The following TFAP2A variants were observed in gnomAD, a reference collection of about 807,000 sequenced individuals.
The protein encoded by TFAP2A is transcription factor AP-2-alpha.
Under a neutral mutation model 41.5 loss-of-function variants are expected in TFAP2A, and 7 were observed. The ratio of observed to expected loss-of-function variants is 0.17; its 90% confidence interval spans 0.10 to 0.32. TFAP2A has a LOEUF of 0.32. Among genes scored for constraint, TFAP2A ranks in the 10% least tolerant of loss-of-function variants. The pLI is 1.00. For synonymous variants in TFAP2A, 247 were observed against 242.8 expected (o/e 1.02, Z -0.16); for missense variants, 416 against 563.3 (o/e 0.74, Z 2.65).
At chr6:10,404,413 G>A (rs1213265220) in intron 4 of TFAP2A, 95 bp downstream of exon 4, 3 of 874,666 alleles carry the variant, frequency 3.4e-6, no homozygotes, top group Non-Finnish European at 4.6e-6. Context: ...GGGCCGCGGC[G>A]CGAGGCCTGT....
intron 1 of TFAP2A, chr6:10,412,165 T>G (rs1757999547): frequency 2.0e-6 from 2 of 988,098 alleles, no homozygotes; most frequent in African/African-American, 3.5e-5. Context: ...GTGTAGCAAA[T>G]CGGAGTGGGG....
chr6:10,406,722 TCTCTGCAAGTTCTTTTAAATAGCA>T, intron 3 of TFAP2A, 47 bp downstream of exon 3: 2 of 1,326,492 alleles, frequency 1.5e-6, no homozygotes, highest in Non-Finnish European at 2.2e-6. Flanking sequence ...AATAAACACA[TCTCTGCAAGTTCTTTTAAATAGCA>T]CTCTGCCTGT....
rs765135263 is a variant in TFAP2A at position 10,410,174 on chromosome 6, C to T, written c.213G>A (p.Ser71=). 3.3e-6 allele frequency: 5 copies of T among 1,521,882 alleles called. No individual in the cohort carries two copies. Among genetic ancestry groups the T allele is most frequent in the South Asian group, 1.2e-5 (1 of 83,278 alleles). The allele number at this position is 1,521,882 out of a possible 1,614,324, so 94.3% of individuals were successfully genotyped here. The change falls in exon 2 of 7, where the codon TCG becomes TCA. Residue 71 remains serine, a synonymous_variant. Coordinates refer to ENST00000379613, the MANE Select transcript of TFAP2A (RefSeq NM_001372066.1). ...PPPYQPIYPQ[S]QDPYSHVNDP... is the part of the protein sequence containing the mutation. ...CGTTGACGTGGGAGTAAGGATCTTG[C>T]GACTGGGGGTAGATAGGCTGGTAGG...
rs750730889 is a variant in TFAP2A, at chr6:10,409,883, G to A, written c.486+18C>T. 9.0e-6 allele frequency: 14 copies of A among 1,547,862 alleles called. No homozygotes were observed. Among genetic ancestry groups the A allele is most frequent in the African/African-American group, 4.1e-5 (3 of 73,034 alleles). ...AGGGGGCTGTGTTCCCTCCCGCGCTGGTTGCGCGGCCTCTTACCGGGACCT... is the reference window on the plus strand; with the variant it reads ...AGGGGGCTGTGTTCCCTCCCGCGCTAGTTGCGCGGCCTCTTACCGGGACCT... On this transcript the variant is annotated intron_variant, in intron 2 of 6. Transcript: ENST00000379613.
chr6:10,400,436 T>G lies in TFAP2A; in HGVS notation c.1031+12A>C. 6.2e-7 allele frequency: 1 copy of G among 1,614,204 alleles called. No individual in the cohort carries two copies. Among genetic ancestry groups the G allele is most frequent in the Non-Finnish European group, 8.5e-7 (1 of 1,180,038 alleles). ...ACGAGACACAGAGACCCCATAGAGGTAAATGCCTTACTTTGTAGCCAGGAG... is the reference window on the plus strand; with the variant it reads ...ACGAGACACAGAGACCCCATAGAGGGAAATGCCTTACTTTGTAGCCAGGAG... On this transcript the variant is annotated intron_variant, in intron 6 of 6. Transcript: ENST00000379613.
upstream of TFAP2A, chr6:10,415,384 T>A: frequency 4.0e-6 from 3 of 757,116 alleles, no homozygotes; most frequent in African/African-American, 1.8e-5. Context: ...GACACAGGTA[T>A]AAAGGCCTCT....
chr6:10,411,760 C>G (rs932976925), intron 1 of TFAP2A: 1 of 1,478,722 alleles, frequency 6.8e-7, no homozygotes, highest in Admixed American at 2.6e-5. Context: ...CGCGGGAGCC[C>G]GGCTCGGATC....
intron 3 of TFAP2A, 134 bp downstream of exon 3, chr6:10,406,659 C>G: frequency 2.6e-6 from 2 of 777,496 alleles, no homozygotes; most frequent in Non-Finnish European, 4.6e-6. Flanking sequence ...CATTGCTGTT[C>G]TGTGCCTATC....
chr6:10,405,670 A>G (rs929525486), intron 3 of TFAP2A: 1 of 152,208 alleles, frequency 6.6e-6, no homozygotes, highest in Admixed American at 6.5e-5. Context: ...ATTCACAACC[A>G]TTTAAGTACA....
chr6:10,414,670 C>T, intron 1 of TFAP2A: 1 of 591,034 alleles, frequency 1.7e-6, no homozygotes, highest in South Asian at 2.0e-5. Context: ...CTTCTTTTCC[C>T]CCATTCTTAG....
intron 2 of TFAP2A, 34 bp from the exon 3 acceptor site, chr6:10,406,878 A>G (rs1409069309): frequency 2.6e-6 from 4 of 1,556,870 alleles, no homozygotes; most frequent in African/African-American, 1.4e-5. Flanking sequence ...ATGTAAGTGT[A>G]TCATCAAAAC....
At chr6:10,399,336 G>A (rs1270772569) in intron 6 of TFAP2A, among the ~76,000 whole-genome samples, 1 of 152,250 alleles carries the variant, frequency 6.6e-6, no homozygotes, top group South Asian at 2.1e-4. Flanking sequence ...TCAAAGTAGT[G>A]TTTGGGAAGA....
At chr6:10,407,542 C>T (rs376985357) in intron 2 of TFAP2A, 4 of 143,404 alleles carry the variant, frequency 2.8e-5, no homozygotes, top group Admixed American at 1.5e-4. Context: ...TATACGTGTG[C>T]GCACTAGAGT....
intron 6 of TFAP2A, among the ~76,000 whole-genome samples, chr6:10,399,574 G>C (rs1301509704): frequency 6.6e-6 from 1 of 152,200 alleles, no homozygotes; most frequent in Non-Finnish European, 1.5e-5. Flanking sequence ...GGCCTGGGGG[G>C]CTGGGGAGGG....
Position 10,398,378 on chromosome 6 carries a change from G to T in TFAP2A, c.*39C>A. On this transcript the variant is annotated 3_prime_UTR_variant, in exon 7 of 7. Transcript: ENST00000379613. The surrounding 1 kb of genome is among the most constrained non-coding windows in gnomAD (Gnocchi z 5.3). Reference sequence around the variant, plus strand: ...CCGCCGGAGGGTGGGCGCGCGGGGGGCTGGTGAGGCGTGGGAGGGGCGGGG... The same window carrying T: ...CCGCCGGAGGGTGGGCGCGCGGGGGTCTGGTGAGGCGTGGGAGGGGCGGGG... 1.9e-6 allele frequency: 3 copies of T among 1,605,514 alleles called. No homozygotes were observed. The highest frequency in any genetic ancestry group is 8.5e-7 in the Non-Finnish European group (1 of 1,177,726).
At chr6:10,416,607 C>T (rs1181098317), upstream of TFAP2A, among the ~76,000 whole-genome samples, 2 of 152,146 alleles carry the variant, frequency 1.3e-5, no homozygotes, top group South Asian at 2.1e-4. Context: ...TAGTAAGGAC[C>T]TTTGATTCAT....
intron 4 of TFAP2A, among the ~76,000 whole-genome samples, chr6:10,404,163 C>G (rs1453477064): frequency 2.0e-5 from 3 of 152,216 alleles, no homozygotes; most frequent in African/African-American, 7.2e-5. Context: ...TACGGCGCCC[C>G]GCGGCTGCAG....
Position 10,411,553 on chromosome 6 carries a change from G to T in TFAP2A, c.52-1218C>A, listed in dbSNP as rs748296212. On this transcript the variant is annotated intron_variant, in intron 1 of 6. Transcript: ENST00000379613. The stretch of plus-strand genomic sequence containing the variant: ...AATTCCTAAAGAAACAGCAACGGGG[G>T]TGGGGATGGGACTCACCATGGCTGA... 8.1e-6 allele frequency: 13 copies of T among 1,613,768 alleles called. No homozygotes were observed. In the Admixed American group the frequency reaches 1.8e-4, roughly 23 times the overall value.
At position 10,396,826 on chromosome 6, in the gene TFAP2A, A is replaced by G. The variant is rs1761782572; in HGVS notation, c.*1591T>C. ...TATTGTGTCATTTGTCTGAATACAG[A>G]CACAGTGGAATATCTAAATGATACC... On this transcript the variant is annotated 3_prime_UTR_variant, in exon 7 of 7. Coordinates refer to ENST00000379613, the MANE Select transcript of TFAP2A (RefSeq NM_001372066.1). 2 of 152,662 alleles carry G rather than the reference A, an allele frequency of 1.3e-5. No individual in the cohort carries two copies. Among genetic ancestry groups the G allele is most frequent in the South Asian group, 2.1e-4 (1 of 4,830 alleles). 9.5% of individuals were successfully genotyped at this position (152,662 alleles called of 1,614,324 possible). A position where few individuals can be genotyped will look rare whatever the true frequency, so the allele number is the denominator to read the frequency against.
Sources: gnomAD v4.1 joint callset for allele counts (sites outside exome capture counted in the v4.1 genomes callset) on GRCh38, gnomAD v4.1.1 for gene constraint, Gnocchi (gnomAD v3.1) non-coding constraint, MANE v1.5 for transcripts, NCBI Gene and HGNC (gene_info 2026-07-23, HGNC 2026-07-21) for gene names.